Variants in TENM2 observed in about 807,000 individuals in gnomAD.
TENM2 encodes the protein teneurin-2.
TENM2 carries 52 observed loss-of-function variants against 245.2 expected under a neutral mutation model. The ratio of observed to expected loss-of-function variants is 0.21; its 90% CI spans 0.17 to 0.27. The LOEUF is 0.27. TENM2 is among the 10% of genes least tolerant of loss of function. The pLI is 1.00. For missense variants in TENM2, 3,046 were observed against 3,666.8 expected (o/e 0.83, Z 4.37); for synonymous variants, 1,363 against 1,438.9 (o/e 0.95, Z 1.19).
At chr5:167,180,311 G>T in the TENM2 span, among the ~76,000 whole-genome samples, 1 of 151,908 alleles carries the variant, frequency 6.6e-6, no homozygotes, top group Non-Finnish European at 1.5e-5. Flanking sequence ...GTTTCTCCAC[G>T]TTGGTCAGGC....
intron 2 of TENM2, among the ~76,000 whole-genome samples, chr5:167,488,831 A>C (rs1768248700): frequency 6.6e-6 from 1 of 152,142 alleles, no homozygotes; most frequent in African/African-American, 2.4e-5. Flanking sequence ...TTCAAAATGG[A>C]ATTCCTGGTC....
At chr5:167,884,137 A>G (rs1774096178) in intron 3 of TENM2, among the ~76,000 whole-genome samples, 1 of 152,258 alleles carries the variant, frequency 6.6e-6, no homozygotes, top group Non-Finnish European at 1.5e-5. Context: ...AAACATTTAA[A>G]TGACATTCCG....
chr5:168,149,458 G>A, intron 12 of TENM2: 1 of 456,738 alleles, frequency 2.2e-6, no homozygotes, highest in Non-Finnish European at 4.4e-6. Context: ...TAGACTGTAT[G>A]TCTAATTGTC....
At chr5:166,983,682 A>G in the TENM2 span, among the ~76,000 whole-genome samples, 28 of 152,202 alleles carry the variant, frequency 1.8e-4, no homozygotes, top group South Asian at 5.8e-3. Flanking sequence ...TCTTGCCAGA[A>G]TATTCGTGGT....
At chr5:167,677,597 A>G (rs1159731822) in intron 2 of TENM2, among the ~76,000 whole-genome samples, 1 of 151,626 alleles carries the variant, frequency 6.6e-6, no homozygotes, top group Non-Finnish European at 1.5e-5. Flanking sequence ...CCACCCAAAA[A>G]GCATCATCAT....
chr5:167,083,969 G>T, the TENM2 span, among the ~76,000 whole-genome samples: 3 of 152,040 alleles, frequency 2.0e-5, no homozygotes, highest in Non-Finnish European at 2.9e-5. Flanking sequence ...GTTACCTGAG[G>T]GTGCTAATCT....
In TENM2 at chr5:168,073,885, A is replaced by G. The variant is rs555349249; in HGVS notation, c.1515+11620A>G. On this transcript the variant is annotated intron_variant, in intron 7 of 28. Coordinates refer to ENST00000518659, the Ensembl canonical transcript of TENM2. ...ATCACGTTGTATTCAGCCAACATTT[A>G]CTGAGCACCTATATGCGACATGCCA... Among the ~76,000 whole-genome samples, 164 of 152,336 alleles carry G rather than the reference A, an allele frequency of 1.1e-3. 1 individual carries two copies. Among genetic ancestry groups the G allele is most frequent in the African/African-American group, 3.7e-3 (155 of 41,578 alleles).
At chr5:168,137,161 G>T (rs1222519690) in intron 12 of TENM2, among the ~76,000 whole-genome samples, 1 of 152,178 alleles carries the variant, frequency 6.6e-6, no homozygotes, top group East Asian at 1.9e-4. Context: ...CCACATAATT[G>T]CTGCCCAGGA....
At chr5:167,940,798 C>A (rs1018918645) in intron 3 of TENM2, among the ~76,000 whole-genome samples, 2 of 152,220 alleles carry the variant, frequency 1.3e-5, no homozygotes, top group African/African-American at 2.4e-5. Context: ...TTTGTTCTTG[C>A]TTTTTCCTCT....
chr5:168,104,736 C>G (rs1462431918), intron 9 of TENM2, among the ~76,000 whole-genome samples: 1 of 152,050 alleles, frequency 6.6e-6, no homozygotes, highest in Non-Finnish European at 1.5e-5. Context: ...TTTGCAAGAG[C>G]GTTTATTCCG....
chr5:168,018,654 G>C (rs1785874296), intron 5 of TENM2, among the ~76,000 whole-genome samples: 1 of 152,104 alleles, frequency 6.6e-6, no homozygotes, highest in Non-Finnish European at 1.5e-5. Context: ...AATAGAGCTA[G>C]CCTGGAAACT....
At chr5:167,324,880 T>C (rs1465585554) in intron 1 of TENM2, among the ~76,000 whole-genome samples, 1 of 152,176 alleles carries the variant, frequency 6.6e-6, no homozygotes, top group Admixed American at 6.5e-5. Flanking sequence ...AACTGCCCTC[T>C]GAGTCTATAA....
At chr5:168,196,136 G>A (rs1761408866) in intron 15 of TENM2, among the ~76,000 whole-genome samples, 1 of 152,160 alleles carries the variant, frequency 6.6e-6, no homozygotes, top group African/African-American at 2.4e-5. Flanking sequence ...AATCTTGGAT[G>A]TATCACAGAA....
intron 25 of TENM2, among the ~76,000 whole-genome samples, chr5:168,235,697 C>T (rs4976586): frequency 0.28 from 42,726 of 151,982 alleles, 6,254 homozygotes; most frequent in Middle Eastern, 0.38. Context: ...ATCCCAGCTA[C>T]TTCGGAGGCT....
intron 2 of TENM2, among the ~76,000 whole-genome samples, chr5:167,509,165 A>G (rs4869050): frequency 0.63 from 96,237 of 152,014 alleles, 30,839 homozygotes; most frequent in East Asian, 0.83. Context: ...GACAAATAAA[A>G]GTCATTCTTC....
intron 2 of TENM2, among the ~76,000 whole-genome samples, chr5:167,523,693 CA>C (rs1770922724): frequency 6.6e-6 from 1 of 152,098 alleles, no homozygotes; most frequent in Non-Finnish European, 1.5e-5. Flanking sequence ...ACTTTGTAAC[CA>C]TATTCATTAA....
At chr5:167,394,545 C>G (rs1382210265) in intron 2 of TENM2, among the ~76,000 whole-genome samples, 1 of 151,954 alleles carries the variant, frequency 6.6e-6, no homozygotes, top group Non-Finnish European at 1.5e-5. Context: ...GACACATAGA[C>G]TTATAAATAA....
At chr5:167,946,948 G>C (rs1779674014) in intron 3 of TENM2, among the ~76,000 whole-genome samples, 2 of 152,138 alleles carry the variant, frequency 1.3e-5, no homozygotes, top group African/African-American at 4.8e-5. Flanking sequence ...CAATTGTTTT[G>C]CTTATGGAAA....
At chr5:167,741,039 ACT>A (rs961182744) in intron 2 of TENM2, among the ~76,000 whole-genome samples, 15 of 152,068 alleles carry the variant, frequency 9.9e-5, no homozygotes, top group Non-Finnish European at 1.8e-4. Context: ...TTTGTTGTAC[ACT>A]CTTTCCCTAT....
Sources: allele counts gnomAD v4.1 joint callset (sites outside exome capture counted in the v4.1 genomes callset), GRCh38; gene constraint gnomAD v4.1.1; transcripts MANE v1.5; gene names NCBI Gene and HGNC (gene_info 2026-07-23, HGNC 2026-07-21).